Variants in TNFAIP8 observed in about 807,000 individuals in gnomAD.
TNFAIP8 encodes the protein TNF alpha induced protein 8.
Under a neutral mutation model 13.3 loss-of-function variants are expected in TNFAIP8, and 7 were observed. The ratio of observed to expected loss-of-function variants is 0.52; its 90% CI spans 0.30 to 0.99. The LOEUF (loss-of-function observed/expected upper bound fraction) is 0.99, where lower values mean the gene tolerates loss of function less well. Ranked by LOEUF, TNFAIP8 falls within the 50% of genes least tolerant of loss-of-function variation. The probability of loss-of-function intolerance (pLI) is 0.07; values close to 1 mark genes in which losing one functional copy is unlikely to be tolerated. For missense variants in TNFAIP8, 258 were observed against 236.9 expected (o/e 1.09, Z -0.58); for synonymous variants, 94 against 87.6 (o/e 1.07, Z -0.41).
intron 1 of TNFAIP8, among the ~76,000 whole-genome samples, chr5:119,285,650 C>CA (rs1748757189): frequency 6.6e-6 from 1 of 152,040 alleles, no homozygotes; most frequent in Admixed American, 6.5e-5. Context: ...ATCTTTTACA[C>CA]AAGAGAGCCT....
At chr5:119,300,174 A>G (rs916398992) in intron 1 of TNFAIP8, among the ~76,000 whole-genome samples, 1 of 152,212 alleles carries the variant, frequency 6.6e-6, no homozygotes, top group Admixed American at 6.5e-5. Context: ...CCTCAGATGG[A>G]AATGCAGAAA....
At chr5:119,392,617 G>T (rs1050948926) in intron 1 of TNFAIP8, among the ~76,000 whole-genome samples, 199 bp from the exon 2 acceptor site, 1 of 152,142 alleles carries the variant, frequency 6.6e-6, no homozygotes, top group African/African-American at 2.4e-5. Context: ...CTCCCAAAGT[G>T]TTGGGATTAC....
At chr5:119,374,965 T>C (rs1752228793) in intron 1 of TNFAIP8, among the ~76,000 whole-genome samples, 1 of 152,184 alleles carries the variant, frequency 6.6e-6, no homozygotes, top group Non-Finnish European at 1.5e-5. Flanking sequence ...ATAGTGGTAA[T>C]AGTTGCACAA....
intron 1 of TNFAIP8, among the ~76,000 whole-genome samples, chr5:119,280,691 G>A (rs1748601382): frequency 6.6e-6 from 1 of 152,128 alleles, no homozygotes; most frequent in African/African-American, 2.4e-5. Flanking sequence ...TTCAGTGGGG[G>A]CAATTGCAGA....
chr5:119,310,677 A>G (rs1749700499), intron 1 of TNFAIP8, among the ~76,000 whole-genome samples: 1 of 152,156 alleles, frequency 6.6e-6, no homozygotes, highest in African/African-American at 2.4e-5. Context: ...TCTACTAAGA[A>G]TTAGCTGGGT....
At chr5:119,300,732 C>T (rs1298232277) in intron 1 of TNFAIP8, among the ~76,000 whole-genome samples, 5 of 152,182 alleles carry the variant, frequency 3.3e-5, no homozygotes, top group Non-Finnish European at 7.3e-5. Context: ...AGTGCTGGCT[C>T]TGCTTGACTC....
At chr5:119,302,079 A>G (rs1749412821) in intron 1 of TNFAIP8, among the ~76,000 whole-genome samples, 1 of 152,214 alleles carries the variant, frequency 6.6e-6, no homozygotes, top group African/African-American at 2.4e-5. Flanking sequence ...CTTAGCAAAT[A>G]AGGGAGGAGT....
chr5:119,275,992 A>G (rs1268175716), intron 1 of TNFAIP8, among the ~76,000 whole-genome samples: 2 of 152,154 alleles, frequency 1.3e-5, no homozygotes, highest in East Asian at 1.9e-4. Context: ...AATGAGGCAG[A>G]TAGAGGAGGT....
At chr5:119,352,603 G>A (rs1267710092), upstream of TNFAIP8, among the ~76,000 whole-genome samples, 2 of 152,080 alleles carry the variant, frequency 1.3e-5, no homozygotes, top group African/African-American at 4.8e-5. Flanking sequence ...CAGTTCTGCC[G>A]GCTGGCCTTC....
intron 1 of TNFAIP8, among the ~76,000 whole-genome samples, chr5:119,281,905 A>G (rs900713179): frequency 1.3e-5 from 2 of 152,204 alleles, no homozygotes; most frequent in Non-Finnish European, 2.9e-5. Context: ...ATTAAGGGTC[A>G]CTGTTGTCTG....
rs116482778 is a variant in TNFAIP8 at position 119,301,100 on chromosome 5, C to T, written c.1+32193C>T. Among the ~76,000 whole-genome samples the T allele has an allele frequency of 2.0e-3, 299 of 152,292 alleles. 3 individuals are homozygous for T. The highest frequency in any genetic ancestry group is 6.5e-3 in the African/African-American group (271 of 41,562). On this transcript the variant is annotated intron_variant, in intron 1 of 1. Coordinates refer to the TNFAIP8 transcript ENST00000274456. ...GTCTCCTAACCAGTCTCCCAGCTTC[C>T]GGTCCATTCCTGGACTTGCCACCCA...
At chr5:119,338,325 G>A (rs6862299) in intron 1 of TNFAIP8, among the ~76,000 whole-genome samples, 15,947 of 152,164 alleles carry the variant, frequency 0.1, 1,039 homozygotes, top group African/African-American at 0.2. Context: ...AGGAAGCCCC[G>A]TCAGGAAGGG....
intron 1 of TNFAIP8, among the ~76,000 whole-genome samples, chr5:119,327,369 C>A (rs1029088643): frequency 5.3e-5 from 8 of 152,122 alleles, no homozygotes; most frequent in African/African-American, 1.7e-4. Flanking sequence ...GTGTGCTTTT[C>A]TTAGGGGAAA....
At chr5:119,295,218 AGTCTAACGTT>A (rs1749134229) in intron 1 of TNFAIP8, among the ~76,000 whole-genome samples, 1 of 48,996 alleles carries the variant, frequency 2.0e-5, no homozygotes, top group Non-Finnish European at 3.7e-5. Context: ...TCTAACGTTT[AGTCTAACGTT>A]AGACCTATAG....
chr5:119,271,973 A>C (rs928702518), intron 1 of TNFAIP8, among the ~76,000 whole-genome samples: 5 of 152,200 alleles, frequency 3.3e-5, no homozygotes, highest in African/African-American at 1.2e-4. Flanking sequence ...GTCTGAGCCA[A>C]CTGCAGTTTC....
At chr5:119,302,310 G>A (rs1749420775) in intron 1 of TNFAIP8, among the ~76,000 whole-genome samples, 1 of 152,184 alleles carries the variant, frequency 6.6e-6, no homozygotes. Flanking sequence ...TTCCAAGAGA[G>A]AGAATCCAGA....
At chr5:119,301,950 A>C (rs531962830) in intron 1 of TNFAIP8, among the ~76,000 whole-genome samples, 1 of 152,244 alleles carries the variant, frequency 6.6e-6, no homozygotes, top group Non-Finnish European at 1.5e-5. Flanking sequence ...AGAGGTGTGA[A>C]ACAGATGTTC....
intron 1 of TNFAIP8, among the ~76,000 whole-genome samples, chr5:119,285,368 G>T (rs1267700993): frequency 6.6e-6 from 1 of 152,142 alleles, no homozygotes; most frequent in Non-Finnish European, 1.5e-5. Flanking sequence ...CAAAGCTACT[G>T]GTAGAGCCAG....
chr5:119,288,036 A>G lies in TNFAIP8; in HGVS notation c.1+19129A>G, dbSNP rs114196156. On this transcript the variant is annotated intron_variant, in intron 1 of 1. Coordinates refer to the TNFAIP8 transcript ENST00000274456. ...TATCCTGATAATTTAAAAAGCAAAC[A>G]TACTACCCCCATTACTAAGACAACT... 9.7e-3 allele frequency among the ~76,000 whole-genome samples: 1,475 copies of G among 152,302 alleles called. 35 individuals are homozygous for G. Among genetic ancestry groups the G allele is most frequent in the African/African-American group, 0.034 (1,415 of 41,554 alleles).
Sources: gnomAD v4.1 joint callset for allele counts (sites outside exome capture counted in the v4.1 genomes callset) on GRCh38, gnomAD v4.1.1 for gene constraint, MANE v1.5 for transcripts, NCBI Gene and HGNC (gene_info 2026-07-23, HGNC 2026-07-21) for gene names.